The following PFKP variants were observed in gnomAD, a reference collection of about 807,000 sequenced individuals.
The protein encoded by PFKP is phosphofructokinase, platelet.
Under a neutral mutation model 94.3 loss-of-function variants are expected in PFKP, and 101 were observed. The observed-to-expected ratio is 1.07, with a 90% CI of 0.91 to 1.26. The LOEUF is 1.26. Among genes scored for constraint, PFKP ranks in the 50% most tolerant of loss-of-function variants. The probability of loss-of-function intolerance (pLI) is 0.00; values close to 1 mark genes in which losing one functional copy is unlikely to be tolerated. For synonymous variants in PFKP, 573 were observed against 432.6 expected (o/e 1.32, Z -4.03); for missense variants, 1,145 against 1,103.3 (o/e 1.04, Z -0.53).
In PFKP at chr10:3,136,588, CGCCTGCATGT is replaced by C. The variant is rs754618297; in HGVS notation, c.*17_*26del. 16 of 1,612,746 alleles carry C rather than the reference CGCCTGCATGT, an allele frequency of 9.9e-6. No individual in the cohort carries two copies. Among genetic ancestry groups the C allele is most frequent in the South Asian group, 5.5e-5 (5 of 90,896 alleles). On this transcript the variant is annotated 3_prime_UTR_variant, in exon 22 of 22. Coordinates refer to ENST00000381125, the MANE Select transcript of PFKP (RefSeq NM_002627.5). Reference sequence around the variant, plus strand: ...AGCCCTGGAGTGTCTGACCCAGTCCCGCCTGCATGTGCCTGCAGCCACCGTGGACTGTCTG... The same window carrying C: ...AGCCCTGGAGTGTCTGACCCAGTCCCGCCTGCAGCCACCGTGGACTGTCTG...
chr10:3,129,701 G>C, intron 16 of PFKP, 118 bp from the exon 17 acceptor site: 1 of 1,044,618 alleles, frequency 9.6e-7, no homozygotes. Flanking sequence ...CGGGATGCTG[G>C]GACCGCATGT....
At chr10:3,114,317 T>G (rs1836576472) in intron 13 of PFKP, among the ~76,000 whole-genome samples, 1 of 152,058 alleles carries the variant, frequency 6.6e-6, no homozygotes, top group African/African-American at 2.4e-5. Flanking sequence ...GCCCAGCTCA[T>G]TTTTGTATTT....
Position 3,101,517 on chromosome 10 carries a change from G to T in PFKP, c.417G>T (p.Lys139Asn), listed in dbSNP as rs1490801612. The T allele has an allele frequency of 1.3e-6, 2 of 1,579,706 alleles. No individual in the cohort carries two copies. Among genetic ancestry groups the T allele is most frequent in the Non-Finnish European group, 1.7e-6 (2 of 1,161,538 alleles). Reference sequence around the variant, plus strand: ...TCACCGGGGCCAACCTCTTCCGGAAGGAGTGGAGTGGGCTGCTGGAGGAGC... The same window carrying T: ...TCACCGGGGCCAACCTCTTCCGGAATGAGTGGAGTGGGCTGCTGGAGGAGC... ...GSLTGANLFR[K>N]EWSGLLEELA... Residue 139 changes from lysine to asparagine, a missense_variant, in exon 4 of 22, where the codon AAG becomes AAT. By Grantham distance (94) the Lys-to-Asn change is moderately conservative. This residue lies in a region of PFKP where 1,119 missense variants were observed against 1,062.8 expected (regional missense o/e 1.05). Coordinates refer to ENST00000381125, the MANE Select transcript of PFKP (RefSeq NM_002627.5).
At chr10:3,123,536 C>T (rs1231334609) in intron 16 of PFKP, among the ~76,000 whole-genome samples, 1 of 152,194 alleles carries the variant, frequency 6.6e-6, no homozygotes, top group Admixed American at 6.5e-5. Flanking sequence ...CACCTGCCCT[C>T]CTGTGTGCCT....
intron 17 of PFKP, among the ~76,000 whole-genome samples, chr10:3,132,160 G>A (rs990705307): frequency 2.6e-5 from 4 of 152,172 alleles, no homozygotes; most frequent in African/African-American, 4.8e-5. Flanking sequence ...AGTGGCCGCC[G>A]TGAGGGCTGC....
At chr10:3,068,753 G>A in intron 1 of PFKP, 1 of 955,734 alleles carries the variant, frequency 1.0e-6, no homozygotes, top group Non-Finnish European at 1.2e-6. Context: ...GTAGATCGGC[G>A]CTTCCCAGGC....
intron 1 of PFKP, among the ~76,000 whole-genome samples, chr10:3,073,438 G>C (rs1338442911): frequency 6.6e-6 from 1 of 151,892 alleles, no homozygotes; most frequent in Non-Finnish European, 1.5e-5. Context: ...AGGGGAGCCT[G>C]CGGAGGTGTA....
intron 13 of PFKP, among the ~76,000 whole-genome samples, chr10:3,114,180 C>T (rs1425416524): frequency 9.4e-5 from 14 of 148,408 alleles, no homozygotes; most frequent in East Asian, 8.0e-4. Context: ...GACGAAGTCT[C>T]GCTCTGTTGC....
At chr10:3,110,842 ATATGCATGAG>A (rs1260287179) in intron 10 of PFKP, among the ~76,000 whole-genome samples, 1 of 151,026 alleles carries the variant, frequency 6.6e-6, no homozygotes, top group East Asian at 1.9e-4. Context: ...GTGTATGTTT[ATATGCATGAG>A]TATGCATGTT....
intron 7 of PFKP, among the ~76,000 whole-genome samples, chr10:3,106,002 C>T (rs1835509238): frequency 6.6e-6 from 1 of 152,218 alleles, no homozygotes; most frequent in Admixed American, 6.5e-5. Flanking sequence ...CAGTGTGAGG[C>T]CTTTCGGGTG....
rs774306736 is a variant in PFKP at position 3,113,393 on chromosome 10, A to G, written c.1246A>G (p.Ile416Val). ...IPKTNCNVAV[I>V]NVGAPAAGMN... is the part of the protein sequence containing the mutation. ...GCAGACCAATTGCAACGTAGCTGTC[A>G]TCAACGTGGGGGCACCCGCGGCTGG... Residue 416 changes from isoleucine to valine, a missense_variant, in exon 13 of 22, where the codon ATC (isoleucine) becomes GTC (valine). By Grantham distance (29) the Ile-to-Val change is conservative. This residue lies in a region of PFKP where 1,119 missense variants were observed against 1,062.8 expected (regional missense o/e 1.05). Coordinates refer to ENST00000381125, the MANE Select transcript of PFKP (RefSeq NM_002627.5). 5.6e-6 allele frequency: 9 copies of G among 1,594,458 alleles called. No homozygotes were observed. The East Asian group carries it at 1.6e-4, about 28-fold the overall frequency.
chr10:3,107,234 G>A lies in PFKP; in HGVS notation c.795G>A (p.Arg265=), dbSNP rs1835725034. 1 of 1,610,720 alleles carries A rather than the reference G, an allele frequency of 6.2e-7. No individual in the cohort carries two copies. Among genetic ancestry groups the A allele is most frequent in the Non-Finnish European group, 8.5e-7 (1 of 1,177,654 alleles). Residue 265 remains arginine (R), a synonymous_variant, in exon 8 of 22, where the codon AGG becomes AGA. Coordinates refer to ENST00000381125, the MANE Select transcript of PFKP (RefSeq NM_002627.5). ...KLSENRARKK[R]LNIIIVAEGA... ...CACAGAACCGTGCCCGGAAAAAAAG[G>A]CTGAATATTATTATTGTGGCTGAAG...
At chr10:3,100,355 C>T (rs955531953) in intron 3 of PFKP, among the ~76,000 whole-genome samples, 3 of 152,074 alleles carry the variant, frequency 2.0e-5, no homozygotes, top group African/African-American at 4.8e-5. Context: ...GTGCCAGTGA[C>T]GTAGGATCGT....
chr10:3,098,812 T>A (rs1834722142), intron 2 of PFKP, among the ~76,000 whole-genome samples: 2 of 152,184 alleles, frequency 1.3e-5, no homozygotes, highest in Non-Finnish European at 1.5e-5. Context: ...CTGTGCTGTT[T>A]AATAATATTC....
intron 20 of PFKP, 23 bp downstream of exon 20, chr10:3,134,605 C>G (rs562972353): frequency 6.7e-7 from 1 of 1,488,648 alleles, no homozygotes; most frequent in Admixed American, 1.7e-5. Flanking sequence ...GGGAGGGAGG[C>G]CACAGCCTCG....
At chr10:3,119,204 A>G (rs1837140740) in intron 15 of PFKP, among the ~76,000 whole-genome samples, 1 of 152,230 alleles carries the variant, frequency 6.6e-6, no homozygotes, top group Non-Finnish European at 1.5e-5. Flanking sequence ...AGACTAAGGT[A>G]GTTATACCTA....
At chr10:3,104,360 G>C (rs532401741) in intron 5 of PFKP, among the ~76,000 whole-genome samples, 9 of 152,328 alleles carry the variant, frequency 5.9e-5, no homozygotes, top group Non-Finnish European at 2.9e-5. Context: ...TTTGATCCGA[G>C]GTGCTCTAGG....
intron 16 of PFKP, among the ~76,000 whole-genome samples, chr10:3,125,669 T>A (rs1362436907): frequency 6.6e-6 from 1 of 152,182 alleles, no homozygotes; most frequent in Non-Finnish European, 1.5e-5. Flanking sequence ...GAAAACAGCC[T>A]TCCTGGTGAG....
chr10:3,090,753 C>T (rs11592061), intron 2 of PFKP, among the ~76,000 whole-genome samples: 44,473 of 151,880 alleles, frequency 0.29, 6,664 homozygotes, highest in Middle Eastern at 0.39. Context: ...CATCGGCGAA[C>T]GTCCTATGGG....
Sources: allele counts gnomAD v4.1 joint callset (sites outside exome capture counted in the v4.1 genomes callset), GRCh38; gene constraint gnomAD v4.1.1; regional missense constraint gnomAD v4.1.1; transcripts MANE v1.5; gene names NCBI Gene and HGNC (gene_info 2026-07-23, HGNC 2026-07-21).